Variants in MAN1A2 observed in about 807,000 individuals in gnomAD.
MAN1A2 encodes the protein mannosidase alpha class 1A member 2.
In MAN1A2, 26 loss-of-function variants were observed where a neutral mutation model predicts 75.7. The ratio of observed to expected loss-of-function variants is 0.34; its 90% CI spans 0.25 to 0.48. The LOEUF (loss-of-function observed/expected upper bound fraction) is 0.48, where lower values mean the gene tolerates loss of function less well. Ranked by LOEUF, MAN1A2 falls within the 20% of genes least tolerant of loss-of-function variation. MAN1A2 has a pLI of 0.99. For missense variants in MAN1A2, 562 were observed against 775.5 expected, an observed-to-expected ratio of 0.72 and a Z score of 3.27; for synonymous variants, 247 against 264.6, an observed-to-expected ratio of 0.93 and a Z score of 0.65.
At chr1:117,421,092 C>A (rs956387202) in intron 5 of MAN1A2, among the ~76,000 whole-genome samples, 2 of 152,038 alleles carry the variant, frequency 1.3e-5, no homozygotes, top group African/African-American at 4.8e-5. Context: ...ACTCTGAATT[C>A]TCCTCTCTGG....
intron 11 of MAN1A2, among the ~76,000 whole-genome samples, chr1:117,502,555 A>G (rs1404789123): frequency 6.6e-6 from 1 of 151,706 alleles, no homozygotes; most frequent in Non-Finnish European, 1.5e-5. Context: ...ATTTTGCCAG[A>G]CAGACCCCTC....
chr1:117,457,846 T>C (rs1189806372), intron 6 of MAN1A2, among the ~76,000 whole-genome samples: 2 of 152,158 alleles, frequency 1.3e-5, no homozygotes, highest in Non-Finnish European at 2.9e-5. Context: ...GTCCAGATTA[T>C]ACCTTGCTTT....
At chr1:117,479,956 C>T (rs570718762) in intron 8 of MAN1A2, among the ~76,000 whole-genome samples, 1 of 151,956 alleles carries the variant, frequency 6.6e-6, no homozygotes, top group African/African-American at 2.4e-5. Flanking sequence ...GTGCATTGCT[C>T]AGTGAGGCAA....
At chr1:117,471,245 A>AT (rs1650143938) in intron 8 of MAN1A2, among the ~76,000 whole-genome samples, 1 of 151,892 alleles carries the variant, frequency 6.6e-6, no homozygotes, top group Non-Finnish European at 1.5e-5. Context: ...TAGATAATTT[A>AT]TTTAACTTCT....
intron 6 of MAN1A2, among the ~76,000 whole-genome samples, chr1:117,460,269 G>A (rs1481266220): frequency 6.6e-6 from 1 of 152,020 alleles, no homozygotes; most frequent in Non-Finnish European, 1.5e-5. Flanking sequence ...AGATGAGAAT[G>A]GGTGAAATGT....
intron 2 of MAN1A2, 62 bp downstream of exon 2, chr1:117,402,503 A>G: frequency 7.0e-7 from 1 of 1,431,800 alleles, no homozygotes; most frequent in Non-Finnish European, 9.5e-7. Flanking sequence ...ACAAACAAAT[A>G]TATATAATCT....
intron 6 of MAN1A2, among the ~76,000 whole-genome samples, chr1:117,458,523 A>ATAGATAT (rs1553236643): frequency 2.4e-4 from 25 of 105,606 alleles, no homozygotes; most frequent in Non-Finnish European, 3.8e-4. Context: ...ATATATATAT[A>ATAGATAT]TTTTTTTTTT....
intron 1 of MAN1A2, among the ~76,000 whole-genome samples, chr1:117,390,878 CT>C (rs1414147079): frequency 6.6e-6 from 1 of 151,944 alleles, no homozygotes; most frequent in Non-Finnish European, 1.5e-5. Context: ...GTTCAGGGCA[CT>C]TTCAAATTTC....
At chr1:117,450,343 A>C (rs1472719975) in intron 6 of MAN1A2, among the ~76,000 whole-genome samples, 1 of 152,192 alleles carries the variant, frequency 6.6e-6, no homozygotes, top group East Asian at 1.9e-4. Flanking sequence ...CTAAGCAGCA[A>C]AGCATTCAAG....
chr1:117,512,717 A>G (rs11590033), intron 12 of MAN1A2, among the ~76,000 whole-genome samples: 18,685 of 148,362 alleles, frequency 0.13, 1,215 homozygotes, highest in Non-Finnish European at 0.14. Flanking sequence ...CCTATGTCCT[A>G]ATACAATGCA....
chr1:117,383,391 T>A (rs955303608), intron 1 of MAN1A2, among the ~76,000 whole-genome samples: 3 of 152,210 alleles, frequency 2.0e-5, no homozygotes, highest in African/African-American at 7.2e-5. Context: ...TTTGCATCAC[T>A]ATTTATAAGG....
intron 6 of MAN1A2, among the ~76,000 whole-genome samples, chr1:117,443,556 TCTTTTTTTGTCTACATAGAGGAAAAGAA>T (rs1429512156): frequency 7.2e-4 from 110 of 152,286 alleles, no homozygotes; most frequent in African/African-American, 2.5e-3. Flanking sequence ...GACTGGAGGC[TCTTTTTTTGTCTACATAGAGGAAAAGAA>T]CTTGAAAATC....
intron 1 of MAN1A2, among the ~76,000 whole-genome samples, chr1:117,381,862 T>C (rs908505423): frequency 1.3e-4 from 20 of 152,094 alleles, no homozygotes; most frequent in African/African-American, 4.8e-4. Context: ...TTCCTGACTT[T>C]TTAATGATTG....
chr1:117,528,461 A>G lies in MAN1A2; in HGVS notation c.*5504A>G, dbSNP rs938744286. 6.6e-6 allele frequency: 1 copy of G among 152,098 alleles called. No homozygotes were observed. Among genetic ancestry groups the G allele is most frequent in the Non-Finnish European group, 1.5e-5 (1 of 67,990 alleles). The allele number at this position is 152,098 out of a possible 1,614,324, so 9.4% of individuals were successfully genotyped here. ...GGATCAAACACACACACCTATACAC[A>G]TACATATTAATATGCAGAGGATTTT... On this transcript the variant is annotated 3_prime_UTR_variant, in exon 13 of 13. Coordinates refer to ENST00000356554, the MANE Select transcript of MAN1A2 (RefSeq NM_006699.5).
intron 1 of MAN1A2, among the ~76,000 whole-genome samples, chr1:117,382,627 C>A (rs1165713509): frequency 6.6e-6 from 1 of 152,112 alleles, no homozygotes; most frequent in Non-Finnish European, 1.5e-5. Flanking sequence ...ATGCCGCCAG[C>A]TTTGTTCTTT....
At chr1:117,390,866 C>T (rs1042112425) in intron 1 of MAN1A2, among the ~76,000 whole-genome samples, 11 of 151,764 alleles carry the variant, frequency 7.2e-5, no homozygotes, top group African/African-American at 1.2e-4. Context: ...CATTTTCTTT[C>T]GGTTCAGGGC....
At chr1:117,379,612 A>G (rs1317045364) in intron 1 of MAN1A2, among the ~76,000 whole-genome samples, 3 of 152,148 alleles carry the variant, frequency 2.0e-5, no homozygotes, top group African/African-American at 7.2e-5. Context: ...CTCTATACCC[A>G]TTAAATGGTT....
intron 5 of MAN1A2, among the ~76,000 whole-genome samples, chr1:117,425,551 A>C (rs183754176): frequency 6.6e-6 from 1 of 152,342 alleles, no homozygotes; most frequent in East Asian, 1.9e-4. Context: ...TTTGATGTTC[A>C]AAAATCAACC....
At chr1:117,380,221 T>G (rs1187515420) in intron 1 of MAN1A2, among the ~76,000 whole-genome samples, 1 of 152,206 alleles carries the variant, frequency 6.6e-6, no homozygotes, top group Non-Finnish European at 1.5e-5. Context: ...GAATGAGTAA[T>G]GATGAATAGG....
Sources: gnomAD v4.1 joint callset for allele counts (sites outside exome capture counted in the v4.1 genomes callset) on GRCh38, gnomAD v4.1.1 for gene constraint, MANE v1.5 for transcripts, NCBI Gene and HGNC (gene_info 2026-07-23, HGNC 2026-07-21) for gene names.